UBE2E1: variants seen among roughly 807,000 people sequenced by gnomAD.
UBE2E1 encodes the protein ubiquitin-conjugating enzyme E2 E1.
Under a neutral mutation model 21.4 loss-of-function variants are expected in UBE2E1, and 6 were observed. That is an observed-to-expected ratio of 0.28 (90% confidence interval 0.15 to 0.55). UBE2E1 has a LOEUF of 0.55. Among genes scored for constraint, UBE2E1 ranks in the 20% least tolerant of loss-of-function variants. UBE2E1 has a pLI of 0.93. For missense variants in UBE2E1, 142 were observed against 236.5 expected, an observed-to-expected ratio of 0.60 and a Z score of 2.62; for synonymous variants, 87 against 82.7, an observed-to-expected ratio of 1.05 and a Z score of -0.28.
chr3:23,838,496 A>C (rs957993274), intron 3 of UBE2E1, among the ~76,000 whole-genome samples: 2 of 151,858 alleles, frequency 1.3e-5, no homozygotes, highest in African/African-American at 4.8e-5. Flanking sequence ...GGATTTATTT[A>C]TTTATTTTTA....
At chr3:23,839,413 A>G (rs182376397) in intron 3 of UBE2E1, among the ~76,000 whole-genome samples, 4 of 152,074 alleles carry the variant, frequency 2.6e-5, no homozygotes, top group Admixed American at 2.6e-4. Flanking sequence ...GCAGTGAGCC[A>G]AGATCACTCC....
At chr3:23,875,085 G>A (rs895138623) in intron 3 of UBE2E1, among the ~76,000 whole-genome samples, 1 of 152,042 alleles carries the variant, frequency 6.6e-6, no homozygotes, top group African/African-American at 2.4e-5. Context: ...CAAGTTACTT[G>A]GAAGTAGTTT....
At chr3:23,832,221 A>G (rs1292445430) in intron 3 of UBE2E1, among the ~76,000 whole-genome samples, 1 of 152,254 alleles carries the variant, frequency 6.6e-6, no homozygotes, top group Non-Finnish European at 1.5e-5. Context: ...AACAGAATTC[A>G]GTTTCTGATC....
At chr3:23,813,870 A>G (rs1362021686) in intron 3 of UBE2E1, among the ~76,000 whole-genome samples, 1 of 152,176 alleles carries the variant, frequency 6.6e-6, no homozygotes, top group African/African-American at 2.4e-5. Context: ...TCAGCGTCCA[A>G]TGAAAATCTA....
chr3:23,881,944 C>G (rs1026855505), intron 3 of UBE2E1, among the ~76,000 whole-genome samples: 2 of 151,706 alleles, frequency 1.3e-5, no homozygotes, highest in Admixed American at 6.6e-5. Flanking sequence ...CTGTTCGTTC[C>G]TCCCGTCCGG....
chr3:23,843,928 G>A (rs1487895401), intron 3 of UBE2E1, among the ~76,000 whole-genome samples: 3 of 152,106 alleles, frequency 2.0e-5, no homozygotes, highest in South Asian at 2.1e-4. Context: ...CTGGTTGCCC[G>A]AGTTACAGAT....
chr3:23,889,879 A>T, intron 5 of UBE2E1: 1 of 337,734 alleles, frequency 3.0e-6, no homozygotes, highest in Non-Finnish European at 4.2e-6. Context: ...TGGGTGGCAA[A>T]GCGAGACCCT....
At chr3:23,828,720 A>G (rs1022326145) in intron 3 of UBE2E1, among the ~76,000 whole-genome samples, 3 of 152,360 alleles carry the variant, frequency 2.0e-5, no homozygotes, top group South Asian at 2.1e-4. Flanking sequence ...TAAACGTTAC[A>G]TAGCTACTGA....
intron 3 of UBE2E1, among the ~76,000 whole-genome samples, chr3:23,848,855 A>C (rs1700265123): frequency 6.6e-6 from 1 of 152,236 alleles, no homozygotes; most frequent in African/African-American, 2.4e-5. Context: ...AGGGGGCCTA[A>C]TAAGCAGTGA....
intron 2 of UBE2E1, among the ~76,000 whole-genome samples, chr3:23,809,178 C>T (rs1699336741): frequency 6.6e-6 from 1 of 152,188 alleles, no homozygotes; most frequent in African/African-American, 2.4e-5. Flanking sequence ...TTTGTTTTTG[C>T]AATGAATTTA....
At chr3:23,859,833 T>C (rs1700512654) in intron 3 of UBE2E1, among the ~76,000 whole-genome samples, 1 of 152,216 alleles carries the variant, frequency 6.6e-6, no homozygotes, top group Non-Finnish European at 1.5e-5. Context: ...AATTCTTTGG[T>C]ACCTAGCATA....
At chr3:23,879,237 G>T in intron 3 of UBE2E1, 2 of 871,206 alleles carry the variant, frequency 2.3e-6, no homozygotes, top group South Asian at 2.5e-5. Flanking sequence ...TCTGGCATAT[G>T]ACTTCCACAG....
At chr3:23,872,241 C>T (rs536996621) in intron 3 of UBE2E1, among the ~76,000 whole-genome samples, 10 of 151,152 alleles carry the variant, frequency 6.6e-5, no homozygotes, top group East Asian at 4.3e-4. Flanking sequence ...GGCGTGGCGG[C>T]GCGCGCCTGC....
chr3:23,845,599 GTGTGTGTGTGTGTGTGTATGTGTGTGTA>G (rs1700185293), intron 3 of UBE2E1, among the ~76,000 whole-genome samples: 1 of 149,420 alleles, frequency 6.7e-6, no homozygotes, highest in African/African-American at 2.5e-5. Context: ...CTGTGTGTGT[GTGTGTGTGTGTGTGTGTATGTGTGTGTA>G]TGTATATATA....
chr3:23,847,795 T>C (rs1325442454), intron 3 of UBE2E1, among the ~76,000 whole-genome samples: 1 of 152,140 alleles, frequency 6.6e-6, no homozygotes, highest in African/African-American at 2.4e-5. Flanking sequence ...ATGCTCAGCC[T>C]TAAAATTGTT....
At chr3:23,819,603 A>G (rs73052648) in intron 3 of UBE2E1, among the ~76,000 whole-genome samples, 12,491 of 152,270 alleles carry the variant, frequency 0.082, 736 homozygotes, top group Middle Eastern at 0.23. Flanking sequence ...TGTCCGAGAA[A>G]GGGTAGGTAA....
In UBE2E1 at chr3:23,870,269, G is replaced by T. The variant is rs1215943085; in HGVS notation, c.204-17298G>T. ...TGCAGGATGAGATGGGGGGCCGGGG[G>T]GACCATAGCTCCTTTTTTTAAAAAA... On this transcript the variant is annotated intron_variant, in intron 3 of 5. Transcript: ENST00000306627. The surrounding 1 kb of genome is among the most constrained non-coding windows in gnomAD (Gnocchi z 4.2). 6.6e-6 allele frequency among the ~76,000 whole-genome samples: 1 copy of T among 152,062 alleles called. No individual in the cohort carries two copies. The highest frequency in any genetic ancestry group is 1.5e-5 in the Non-Finnish European group (1 of 68,014).
At chr3:23,879,075 G>C (rs1700979859) in intron 3 of UBE2E1, 14 of 498,398 alleles carry the variant, frequency 2.8e-5, no homozygotes, top group South Asian at 2.2e-4. Context: ...ATCAGTTCCT[G>C]AGAGAATGAG....
chr3:23,807,236 G>A lies in UBE2E1; in HGVS notation c.-33-1G>A. On this transcript the variant is annotated splice_acceptor_variant, in intron 1 of 5. Coordinates refer to ENST00000306627, the MANE Select transcript of UBE2E1 (RefSeq NM_003341.5). LOFTEE classifies it low-confidence loss of function (5UTR_SPLICE). ...TCTGTTTTGTTTCTCTCCCCCTGCA[G>A]GGGCTGTTTGCGGGGTGGGGTGGGG... is the stretch of plus-strand genomic sequence containing the variant. The A allele has an allele frequency of 1.9e-6, 3 of 1,598,618 alleles. No homozygotes were observed. Among genetic ancestry groups the A allele is most frequent in the East Asian group, 2.2e-5 (1 of 44,712 alleles).
Sources: allele counts gnomAD v4.1 joint callset (sites outside exome capture counted in the v4.1 genomes callset), GRCh38; gene constraint gnomAD v4.1.1; non-coding constraint Gnocchi (gnomAD v3.1); transcripts MANE v1.5; gene names NCBI Gene and HGNC (gene_info 2026-07-23, HGNC 2026-07-21).